Variants in RIPPLY1 observed in about 807,000 individuals in gnomAD.
The protein encoded by RIPPLY1 is protein ripply1.
In RIPPLY1, 10 loss-of-function variants were observed where a neutral mutation model predicts 8.7. The observed-to-expected ratio is 1.15, with a 90% CI of 0.71 to 1.94. The LOEUF is 1.94. Among genes scored for constraint, RIPPLY1 ranks in the 30% most tolerant of loss-of-function variants. The probability of loss-of-function intolerance (pLI) is 0.00; values close to 1 mark genes in which losing one functional copy is unlikely to be tolerated. For synonymous variants in RIPPLY1, 54 were observed against 44.8 expected, an observed-to-expected ratio of 1.20 and a Z score of -0.82; for missense variants, 118 against 108.7, an observed-to-expected ratio of 1.09 and a Z score of -0.38.
chrX:106,902,031 C>T (rs1933107172), intron 2 of RIPPLY1, 109 bp downstream of exon 2: 1 of 590,640 alleles, frequency 1.7e-6, no homozygotes, highest in Non-Finnish European at 2.7e-6. Context: ...AGGATGCTAT[C>T]TCAGATCTGC....
chrX:106,901,763 G>C (rs1411659515), intron 2 of RIPPLY1, among the ~76,000 whole-genome samples: 1 of 111,510 alleles, frequency 9.0e-6, no homozygotes, highest in African/African-American at 3.3e-5. Context: ...CCCTGCCTCT[G>C]TTCCAGCACC....
At chrX:106,903,061 T>C in intron 1 of RIPPLY1, 72 bp downstream of exon 1, 2 of 1,135,964 alleles carry the variant, frequency 1.8e-6, no homozygotes, top group Non-Finnish European at 2.4e-6. Context: ...GCCCTGGACA[T>C]CTCATTTTCC....
At chrX:106,903,008 G>T in intron 1 of RIPPLY1, 125 bp downstream of exon 1, 1 of 688,496 alleles carries the variant, frequency 1.5e-6, no homozygotes, top group Non-Finnish European at 2.2e-6. Flanking sequence ...TGAGGAGGGA[G>T]GGCTATGAGG....
chrX:106,902,655 G>A (rs151057344), intron 1 of RIPPLY1, among the ~76,000 whole-genome samples: 385 of 112,102 alleles, frequency 3.4e-3, no homozygotes, highest in African/African-American at 0.012. Context: ...GAAGAAGAGG[G>A]CCAGAAATGT....
intron 2 of RIPPLY1, 124 bp from the exon 3 acceptor site, chrX:106,901,662 C>A (rs960400341): frequency 3.2e-5 from 20 of 623,825 alleles, no homozygotes; most frequent in Non-Finnish European, 4.8e-5. Context: ...TCTCTGGGAC[C>A]CAGCAACCCC....
rs754457661 is a variant in RIPPLY1, at chrX:106,903,322, T to G, written c.-35A>C. ...ACCAAAGCCAGTGGGGTCTCCTACT[T>G]CCCAGAACCTTCTGCACTCTTTTGG... On this transcript the variant is annotated 5_prime_UTR_variant, in exon 1 of 4. Coordinates refer to ENST00000276173, the MANE Select transcript of RIPPLY1 (RefSeq NM_138382.3). 3.5e-6 allele frequency: 4 copies of G among 1,157,799 alleles called. No individual in the cohort carries two copies. The highest frequency in any genetic ancestry group is 4.6e-6 in the Non-Finnish European group (4 of 866,116).
intron 1 of RIPPLY1, among the ~76,000 whole-genome samples, chrX:106,902,877 C>A (rs1036028506): frequency 1.8e-5 from 2 of 112,584 alleles, no homozygotes; most frequent in African/African-American, 6.5e-5. Context: ...ACTCAGCCAC[C>A]TGGCCTATGA....
In RIPPLY1 at chrX:106,900,512, A is replaced by G; in HGVS notation, c.*237T>C. 1 of 418,618 alleles carries G rather than the reference A, an allele frequency of 2.4e-6. No homozygotes were observed. Among genetic ancestry groups the G allele is most frequent in the Non-Finnish European group, 3.8e-6 (1 of 260,581 alleles). 34.5% of individuals were successfully genotyped at this position (418,618 alleles called of 1,213,427 possible). ...AGCTCACAGGCCATTCAGGTAAGCC[A>G]GGGTGAGCTGGGCAGCTAGATGACC... On this transcript the variant is annotated 3_prime_UTR_variant, in exon 4 of 4. Transcript: ENST00000276173.
chrX:106,901,554 G>T lies in RIPPLY1; in HGVS notation c.232-16C>A. On this transcript the variant is annotated splice_polypyrimidine_tract_variant and intron_variant, in intron 2 of 3. Transcript: ENST00000276173. ...CACCAGCAGCCTGTCCAAAGCAAAA[G>T]CTAGCATGTGGCTCAAAGTACATGG... The T allele has an allele frequency of 8.3e-7, 1 of 1,207,964 alleles. No homozygotes were observed. Among genetic ancestry groups the T allele is most frequent in the Non-Finnish European group, 1.1e-6 (1 of 892,320 alleles).
rs1195106328 is a variant in RIPPLY1, at chrX:106,900,654, T to C, written c.*95A>G. 1.9e-6 allele frequency: 2 copies of C among 1,070,436 alleles called. No individual in the cohort carries two copies. The highest frequency in any genetic ancestry group is 2.4e-6 in the Non-Finnish European group (2 of 825,235). 88.2% of individuals were successfully genotyped at this position (1,070,436 alleles called of 1,213,427 possible). Reference sequence around the variant, plus strand: ...CAGACTCTGGCTGCCTCCATTTGGATAGGTTAGGGGTGAGGAAGGGGGATG... The same window carrying C: ...CAGACTCTGGCTGCCTCCATTTGGACAGGTTAGGGGTGAGGAAGGGGGATG... On this transcript the variant is annotated 3_prime_UTR_variant, in exon 4 of 4. Transcript: ENST00000276173.
In RIPPLY1 at chrX:106,901,992, T is replaced by G. The variant is rs141714274; in HGVS notation, c.231+148A>C. ...CCACAGAAAGCTTGGATCTGCTCTC[T>G]GTTGGAATCAAATGTTGGCAAAACT... On this transcript the variant is annotated intron_variant, in intron 2 of 3. Transcript: ENST00000276173. 503 of 476,523 alleles carry G rather than the reference T, an allele frequency of 1.1e-3. 3 individuals are homozygous for G. Among genetic ancestry groups the G allele is most frequent in the African/African-American group, 0.01 (422 of 41,588 alleles). The allele number at this position is 476,523 out of a possible 1,213,427, so 39.3% of individuals were successfully genotyped here.
chrX:106,900,525 C>T lies in RIPPLY1; in HGVS notation c.*224G>A. 8.3e-6 allele frequency: 4 copies of T among 480,352 alleles called. No homozygotes were observed. Among genetic ancestry groups the T allele is most frequent in the Non-Finnish European group, 1.3e-5 (4 of 314,297 alleles). The allele number at this position is 480,352 out of a possible 1,213,427, so 39.6% of individuals were successfully genotyped here. A position where few individuals can be genotyped will look rare whatever the true frequency, so the allele number is the denominator to read the frequency against. ...TTCAGGTAAGCCAGGGTGAGCTGGG[C>T]AGCTAGATGACCCAATTTTCAGTCC... On this transcript the variant is annotated 3_prime_UTR_variant, in exon 4 of 4. Transcript: ENST00000276173.
intron 1 of RIPPLY1, 67 bp from the exon 2 acceptor site, chrX:106,902,282 A>G: frequency 5.3e-6 from 5 of 945,181 alleles, no homozygotes; most frequent in Non-Finnish European, 7.4e-6. Context: ...TGAGATAACA[A>G]GAGACCTCCC....
At chrX:106,902,283 G>A (rs370677730) in intron 1 of RIPPLY1, 68 bp from the exon 2 acceptor site, 74 of 940,644 alleles carry the variant, frequency 7.9e-5, no homozygotes, top group Middle Eastern at 2.7e-4. Context: ...GAGATAACAA[G>A]AGACCTCCCA....
At chrX:106,901,588 C>T (rs1365478898) in intron 2 of RIPPLY1, 50 bp from the exon 3 acceptor site, 3 of 1,134,465 alleles carry the variant, frequency 2.6e-6, no homozygotes, top group Non-Finnish European at 1.2e-6. Context: ...GGCTAGATAA[C>T]TTCCTCCTCT....
rs772015984 is a variant in RIPPLY1 at position 106,900,369 on chromosome X, G to A, written c.*380C>T. 2 of 128,504 alleles carry A rather than the reference G, an allele frequency of 1.6e-5. No individual in the cohort carries two copies. Among genetic ancestry groups the A allele is most frequent in the Non-Finnish European group, 3.1e-5 (2 of 64,716 alleles). The allele number at this position is 128,504 out of a possible 1,213,427, so 10.6% of individuals were successfully genotyped here. A position where few individuals can be genotyped will look rare whatever the true frequency, so the allele number is the denominator to read the frequency against. Reference sequence around the variant, plus strand: ...AGGAATGACTACTTCCCTCCACAAGGGCATTCCCTGCCCTGCTCTGCTTCC... The same window carrying A: ...AGGAATGACTACTTCCCTCCACAAGAGCATTCCCTGCCCTGCTCTGCTTCC... On this transcript the variant is annotated 3_prime_UTR_variant, in exon 4 of 4. Transcript: ENST00000276173.
rs777555072 is a variant in RIPPLY1, at chrX:106,901,535, C to T, written c.235G>A (p.Ala79Thr). Reference sequence around the variant, plus strand: ...ACCTCAGCAGCCGTTGCCCCACCAGCAGCCTGTCCAAAGCAAAAGCTAGCA... The same window carrying T: ...ACCTCAGCAGCCGTTGCCCCACCAGTAGCCTGTCCAAAGCAAAAGCTAGCA... The part of the protein sequence containing the change: ...RQMRKLVDLA[A>T]GGATAAEVTK... Residue 79 changes from alanine to threonine, a missense_variant, in exon 3 of 4, where the codon GCT (alanine) becomes ACT (threonine). Ala to Thr is a moderately conservative substitution (Grantham distance 58). Coordinates refer to ENST00000276173, the MANE Select transcript of RIPPLY1 (RefSeq NM_138382.3). 3 of 1,211,246 alleles carry T rather than the reference C, an allele frequency of 2.5e-6. No homozygotes were observed. Among genetic ancestry groups the T allele is most frequent in the South Asian group, 3.5e-5 (2 of 56,922 alleles).
chrX:106,900,933 C>T (rs1426635020), intron 3 of RIPPLY1, 25 bp from the exon 4 acceptor site: 3 of 1,198,807 alleles, frequency 2.5e-6, no homozygotes, highest in Non-Finnish European at 3.4e-6. Context: ...GAAACATGGC[C>T]CCTAACAGGT....
In RIPPLY1 at chrX:106,900,757, C is replaced by T; in HGVS notation, c.448G>A (p.Glu150Lys). ...EEDEEQEDEEEK is the reference protein window; with the variant it reads ...EEDEEQEDEEKK The stretch of plus-strand genomic sequence containing the variant: ...CCCTTTTCATTGGCCTCCTACTTCT[C>T]TTCTTCATCCTCCTGCTCTTCATCT... Residue 150 changes from glutamate to lysine, a missense_variant, in exon 4 of 4, where the codon GAG becomes AAG. Transcript: ENST00000276173. 1 of 1,208,381 alleles carries T rather than the reference C, an allele frequency of 8.3e-7. No homozygotes were observed. The highest frequency in any genetic ancestry group is 1.1e-6 in the Non-Finnish European group (1 of 893,808).
Sources: gnomAD v4.1 joint callset for allele counts (sites outside exome capture counted in the v4.1 genomes callset) on GRCh38, gnomAD v4.1.1 for gene constraint, MANE v1.5 for transcripts, NCBI Gene and HGNC (gene_info 2026-07-23, HGNC 2026-07-21) for gene names.